The following SLC5A1 variants were observed in gnomAD, a reference collection of about 807,000 sequenced individuals.
SLC5A1 encodes the protein sodium/glucose cotransporter 1.
Under a neutral mutation model 73.5 loss-of-function variants are expected in SLC5A1, and 42 were observed. That is an observed-to-expected ratio of 0.57 (90% CI 0.45 to 0.74). SLC5A1 has a LOEUF of 0.74. Ranked by LOEUF, SLC5A1 falls within the 30% of genes least tolerant of loss-of-function variation. The probability of loss-of-function intolerance (pLI) is 0.00; values close to 1 mark genes in which losing one functional copy is unlikely to be tolerated. For synonymous variants in SLC5A1, 300 were observed against 317.4 expected (o/e 0.95, Z 0.58); for missense variants, 634 against 855.4 (o/e 0.74, Z 3.23).
intron 5 of SLC5A1, among the ~76,000 whole-genome samples, chr22:32,081,032 T>G (rs1246172049): frequency 6.6e-6 from 1 of 152,090 alleles, no homozygotes; most frequent in Non-Finnish European, 1.5e-5. Context: ...TGATCATCCC[T>G]TAATACTACC....
In SLC5A1 at chr22:32,043,933, C is replaced by A. The variant is rs2093933686; in HGVS notation, c.135+517C>A. 6.6e-6 allele frequency among the ~76,000 whole-genome samples: 1 copy of A among 152,226 alleles called. No homozygotes were observed. Among genetic ancestry groups the A allele is most frequent in the African/African-American group, 2.4e-5 (1 of 41,532 alleles). ...TGCCCCACTCCTGGGAGAGGCTAAC[C>A]CAGAGGCCTTGTGCATGAGGATCCC... On this transcript the variant is annotated intron_variant, in intron 1 of 14. Transcript: ENST00000266088. This position sits in a 1 kb window ranked among gnomAD's most constrained non-coding sequence, Gnocchi z 6.5.
intron 5 of SLC5A1, among the ~76,000 whole-genome samples, chr22:32,077,716 G>C (rs766835825): frequency 6.6e-6 from 1 of 152,012 alleles, no homozygotes; most frequent in African/African-American, 2.4e-5. Flanking sequence ...AGATATAGCC[G>C]AAGACCTATT....
intron 12 of SLC5A1, among the ~76,000 whole-genome samples, chr22:32,101,045 G>A (rs1275433521): frequency 6.6e-6 from 1 of 152,130 alleles, no homozygotes. Context: ...AGGAAGAGAA[G>A]AGCCTGTATT....
intron 12 of SLC5A1, among the ~76,000 whole-genome samples, chr22:32,100,115 A>G (rs979743638): frequency 2.0e-5 from 3 of 152,188 alleles, no homozygotes; most frequent in African/African-American, 7.2e-5. Context: ...CAGAAGTAGG[A>G]CAGGAGTGAG....
rs1466131223 is a variant in SLC5A1 at position 32,104,634 on chromosome 22, T to C, written c.1666-152T>C. The C allele has an allele frequency of 1.3e-5, 9 of 694,410 alleles. No homozygotes were observed. In the East Asian group the frequency reaches 1.9e-4, roughly 15 times the overall value. The allele number at this position is 694,410 out of a possible 1,614,324, so 43.0% of individuals were successfully genotyped here. A position where few individuals can be genotyped will look rare whatever the true frequency, so the allele number is the denominator to read the frequency against. On this transcript the variant is annotated intron_variant, in intron 13 of 14. Coordinates refer to ENST00000266088, the MANE Select transcript of SLC5A1 (RefSeq NM_000343.4). ...AAGTTACCAATGTTTTTAGAGATAATGTTATGGATGAGAATCGTTGTGTAT... is the reference window on the plus strand; with the variant it reads ...AAGTTACCAATGTTTTTAGAGATAACGTTATGGATGAGAATCGTTGTGTAT...
rs969235817 is a variant in SLC5A1 at position 32,112,594 on chromosome 22, C to T, written c.*2381C>T. On this transcript the variant is annotated 3_prime_UTR_variant, in exon 15 of 15. Transcript: ENST00000266088. ...GTGCATATAAACTATTTAATGAGTA[C>T]CAAACACAAAAGTCAAGCTTGTAAA... The T allele has an allele frequency of 2.0e-5, 3 of 152,092 alleles. No homozygotes were observed. The highest frequency in any genetic ancestry group is 4.8e-5 in the African/African-American group (2 of 41,402). The allele number at this position is 152,092 out of a possible 1,614,324, so 9.4% of individuals were successfully genotyped here.
intron 6 of SLC5A1, 26 bp downstream of exon 6, chr22:32,081,997 C>A: frequency 6.9e-7 from 1 of 1,442,612 alleles, no homozygotes; most frequent in Non-Finnish European, 9.8e-7. Context: ...TAAACCAGCA[C>A]CTCAAACCCA....
At chr22:32,090,215 C>A (rs1282653811) in intron 10 of SLC5A1, among the ~76,000 whole-genome samples, 3 of 151,746 alleles carry the variant, frequency 2.0e-5, no homozygotes, top group Non-Finnish European at 4.4e-5. Flanking sequence ...CAGAGTTGTG[C>A]AAGCATCACT....
chr22:32,044,900 T>C (rs2093935154), intron 1 of SLC5A1, among the ~76,000 whole-genome samples: 1 of 152,198 alleles, frequency 6.6e-6, no homozygotes, highest in Non-Finnish European at 1.5e-5. Flanking sequence ...TGAACAATGT[T>C]TATCCTTTTA....
intron 10 of SLC5A1, among the ~76,000 whole-genome samples, 177 bp downstream of exon 10, chr22:32,086,504 G>A (rs1229328866): frequency 6.6e-6 from 1 of 152,190 alleles, no homozygotes; most frequent in Non-Finnish European, 1.5e-5. Flanking sequence ...TCAGTGGGAA[G>A]GAGACATATG....
intron 2 of SLC5A1, among the ~76,000 whole-genome samples, chr22:32,065,709 C>T (rs2093971731): frequency 6.6e-6 from 1 of 152,232 alleles, no homozygotes; most frequent in Non-Finnish European, 1.5e-5. Context: ...GCACCAACCA[C>T]TGTCTCCTCA....
intron 2 of SLC5A1, among the ~76,000 whole-genome samples, chr22:32,061,843 A>C (rs1391048329): frequency 6.6e-6 from 1 of 152,188 alleles, no homozygotes; most frequent in Non-Finnish European, 1.5e-5. Context: ...GGAATAGTCT[A>C]TTCAGGTCTG....
chr22:32,091,192 G>A (rs149848419), intron 10 of SLC5A1, among the ~76,000 whole-genome samples: 23 of 152,064 alleles, frequency 1.5e-4, no homozygotes, highest in Non-Finnish European at 2.6e-4. Flanking sequence ...ACTTTCTTGA[G>A]AGCCCCATCT....
intron 11 of SLC5A1, among the ~76,000 whole-genome samples, chr22:32,091,974 G>A (rs992658052): frequency 2.6e-5 from 4 of 151,530 alleles, no homozygotes; most frequent in Non-Finnish European, 4.4e-5. Context: ...TTCATGTTTG[G>A]GAAACAGGTC....
intron 5 of SLC5A1, among the ~76,000 whole-genome samples, chr22:32,074,864 A>T (rs1001607587): frequency 1.3e-5 from 2 of 152,062 alleles, no homozygotes; most frequent in Admixed American, 6.5e-5. Flanking sequence ...TCCAGTTCTC[A>T]GAAGAGTACA....
intron 9 of SLC5A1, 140 bp downstream of exon 9, chr22:32,085,175 G>A (rs2094006125): frequency 9.8e-7 from 1 of 1,023,056 alleles, no homozygotes; most frequent in African/African-American, 1.6e-5. Flanking sequence ...GAGTGCAGTG[G>A]TGTGATCATT....
chr22:32,056,062 G>A (rs1388312223), intron 2 of SLC5A1, among the ~76,000 whole-genome samples: 2 of 152,156 alleles, frequency 1.3e-5, no homozygotes, highest in African/African-American at 4.8e-5. Flanking sequence ...ACACAGTCTT[G>A]CTCTGTGGGA....
intron 5 of SLC5A1, among the ~76,000 whole-genome samples, chr22:32,076,678 G>A (rs2093991380): frequency 6.6e-6 from 1 of 152,206 alleles, no homozygotes; most frequent in Non-Finnish European, 1.5e-5. Context: ...CTGAAACTGC[G>A]AGGCTAGGCA....
Position 32,084,574 on chromosome 22 carries a change from G to A in SLC5A1, c.800G>A (p.Arg267Gln), listed in dbSNP as rs143443198. 8.7e-6 allele frequency: 14 copies of A among 1,614,106 alleles called. No homozygotes were observed. Among genetic ancestry groups the A allele is most frequent in the African/African-American group, 2.7e-5 (2 of 74,942 alleles). ...TPRADSFHIF[R>Q]DPLTGDLPWP... ...AGGGCCGACTCCTTCCACATCTTCC[G>A]AGATCCCCTCACGGGAGACCTCCCA... Residue 267 changes from arginine (R) to glutamine (Q), a missense_variant, in exon 8 of 15, where the codon CGA (arginine) becomes CAA (glutamine). Physicochemically the swap from Arg to Gln is conservative, Grantham distance 43. This residue lies in a region of SLC5A1 where 422 missense variants were observed against 626.1 expected (regional missense o/e 0.67). Coordinates refer to ENST00000266088, the MANE Select transcript of SLC5A1 (RefSeq NM_000343.4).
Sources: allele counts gnomAD v4.1 joint callset (sites outside exome capture counted in the v4.1 genomes callset), GRCh38; gene constraint gnomAD v4.1.1; regional missense constraint gnomAD v4.1.1; non-coding constraint Gnocchi (gnomAD v3.1); transcripts MANE v1.5; gene names NCBI Gene and HGNC (gene_info 2026-07-23, HGNC 2026-07-21).